TNN: variants seen among roughly 807,000 people sequenced by gnomAD.
The protein encoded by TNN is tenascin-N.
TNN carries 122 observed loss-of-function variants against 134.4 expected under a neutral mutation model. That is an observed-to-expected ratio of 0.91 (90% CI 0.78 to 1.06). The LOEUF is 1.06. Among genes scored for constraint, TNN ranks in the 50% least tolerant of loss-of-function variants. TNN has a pLI of 0.00. For missense variants in TNN, 1,739 were observed against 1,699.4 expected (o/e 1.02, Z -0.41); for synonymous variants, 710 against 670.3 (o/e 1.06, Z -0.91).
intron 13 of TNN, 70 bp from the exon 14 acceptor site, chr1:175,127,962 G>T: frequency 6.3e-7 from 1 of 1,575,474 alleles, no homozygotes; most frequent in Non-Finnish European, 8.7e-7. Context: ...AGGGAACGCT[G>T]TTGACACCTA....
At chr1:175,144,162 G>A (rs1676005629) in intron 17 of TNN, among the ~76,000 whole-genome samples, 2 of 152,208 alleles carry the variant, frequency 1.3e-5, no homozygotes, top group African/African-American at 4.8e-5. Context: ...TATGAGAACT[G>A]TTGGAGAAAC....
intron 11 of TNN, among the ~76,000 whole-genome samples, chr1:175,122,218 C>A (rs116412899): frequency 6.6e-4 from 96 of 144,604 alleles, no homozygotes; most frequent in South Asian, 6.6e-4. Context: ...CCTGTCTTTA[C>A]AAAAAAAAAA....
chr1:175,132,852 T>C (rs1036491130), intron 15 of TNN, among the ~76,000 whole-genome samples: 3 of 152,358 alleles, frequency 2.0e-5, no homozygotes, highest in Admixed American at 6.5e-5. Flanking sequence ...TGCACTCCCA[T>C]GTGGAGCTTT....
chr1:175,093,985 T>C lies in TNN; in HGVS notation c.1325-5T>C. On this transcript the variant is annotated splice_region_variant and splice_polypyrimidine_tract_variant and intron_variant, in intron 6 of 18. Transcript: ENST00000239462. ...GATTTTTCTTTCTCATGTGTTTTTA[T>C]GAAGAAATTGACAGTCCAACCAATG... 1 of 1,582,700 alleles carries C rather than the reference T, an allele frequency of 6.3e-7. No individual in the cohort carries two copies. The highest frequency in any genetic ancestry group is 8.6e-7 in the Non-Finnish European group (1 of 1,156,872).
chr1:175,102,521 A>G (rs1017427989), intron 9 of TNN, among the ~76,000 whole-genome samples: 1 of 145,188 alleles, frequency 6.9e-6, no homozygotes, highest in African/African-American at 2.5e-5. Context: ...GACCCAGTAC[A>G]CCCTCCGCAG....
chr1:175,120,320 A>G (rs1459413033), intron 11 of TNN, among the ~76,000 whole-genome samples: 1 of 152,226 alleles, frequency 6.6e-6, no homozygotes, highest in Non-Finnish European at 1.5e-5. Context: ...GAAGGAGATG[A>G]ACATGGTGTA....
intron 18 of TNN, 142 bp downstream of exon 18, chr1:175,144,692 T>C (rs926299868): frequency 5.4e-6 from 5 of 928,044 alleles, no homozygotes; most frequent in Non-Finnish European, 8.0e-6. Flanking sequence ...CCAGGCTCCA[T>C]GGCCTTGAGG....
intron 9 of TNN, among the ~76,000 whole-genome samples, chr1:175,105,353 T>C (rs1674822875): frequency 6.9e-6 from 1 of 145,494 alleles, no homozygotes; most frequent in Non-Finnish European, 1.5e-5. Flanking sequence ...ACATAACCGA[T>C]AGCCCGGGGG....
intron 4 of TNN, among the ~76,000 whole-genome samples, chr1:175,080,678 C>T (rs766368654): frequency 6.6e-6 from 1 of 152,096 alleles, no homozygotes; most frequent in Non-Finnish European, 1.5e-5. Context: ...TTATTTGGGT[C>T]TGCACCTTCT....
intron 17 of TNN, among the ~76,000 whole-genome samples, chr1:175,144,114 A>G (rs116019832): frequency 6.6e-6 from 1 of 151,972 alleles, no homozygotes; most frequent in Non-Finnish European, 1.5e-5. Context: ...TTATGTTTGG[A>G]TATTTGATCT....
chr1:175,097,442 G>A lies in TNN; in HGVS notation c.1614G>A (p.Val538=). 6.2e-7 allele frequency: 1 copy of A among 1,614,216 alleles called. No homozygotes were observed. Among genetic ancestry groups the A allele is most frequent in the Non-Finnish European group, 8.5e-7 (1 of 1,180,036 alleles). The part of the protein sequence containing the change: ...LTEIDSPANL[V]TDRVTENTAT... ...AAATTGACAGCCCAGCAAACCTGGTGACTGACCGGGTGACTGAGAATACCG... is the reference window on the plus strand; with the variant it reads ...AAATTGACAGCCCAGCAAACCTGGTAACTGACCGGGTGACTGAGAATACCG... Residue 538 remains valine (V), a synonymous_variant, in exon 8 of 19, where the codon GTG becomes GTA. Transcript: ENST00000239462.
chr1:175,108,684 C>T (rs927648201), intron 9 of TNN, among the ~76,000 whole-genome samples: 10 of 152,228 alleles, frequency 6.6e-5, no homozygotes, highest in African/African-American at 1.4e-4. Context: ...GTACACCCTC[C>T]GCAGCTGCTG....
In TNN at chr1:175,136,964, G is replaced by A. The variant is rs1044697332; in HGVS notation, c.3571G>A (p.Val1191Ile). The change falls in exon 17 of 19, where the codon GTT (valine) becomes ATT (isoleucine). Residue 1191 changes from valine to isoleucine, a missense_variant. Physicochemically the swap from Val to Ile is conservative, Grantham distance 29 (BLOSUM62 3). Transcript: ENST00000239462. Reference protein sequence around the residue: ...ASSKERYKLTVGKYRGTAGDA... With the variant: ...ASSKERYKLTIGKYRGTAGDA... The stretch of plus-strand genomic sequence containing the variant: ...CAGCAAGGAGCGGTATAAGCTGACA[G>A]TTGGGAAATACAGAGGCACGGCAGG... 1.1e-5 allele frequency: 18 copies of A among 1,613,992 alleles called. No individual in the cohort carries two copies. Among genetic ancestry groups the A allele is most frequent in the Non-Finnish European group, 1.5e-5 (18 of 1,179,994 alleles).
In TNN at chr1:175,128,730, A is replaced by G. The variant is rs1675597988; in HGVS notation, c.3314A>G (p.Asp1105Gly). Reference protein sequence around the residue: ...PLQVYCDMETDGGGWIVFQRR... With the variant: ...PLQVYCDMETGGGGWIVFQRR... Reference sequence around the variant, plus strand: ...CAGGTGTACTGTGACATGGAAACGGACGGAGGTGGCTGGATTGTGAGTCAC... The same window carrying G: ...CAGGTGTACTGTGACATGGAAACGGGCGGAGGTGGCTGGATTGTGAGTCAC... The change falls in exon 15 of 19, where the codon GAC becomes GGC. Residue 1105 changes from aspartate to glycine, a missense_variant. Physicochemically the swap from Asp to Gly is moderately conservative, Grantham distance 94. Coordinates refer to ENST00000239462, the MANE Select transcript of TNN (RefSeq NM_022093.2). 6.2e-7 allele frequency: 1 copy of G among 1,613,160 alleles called. No homozygotes were observed. Among genetic ancestry groups the G allele is most frequent in the Non-Finnish European group, 8.5e-7 (1 of 1,179,566 alleles).
intron 9 of TNN, among the ~76,000 whole-genome samples, chr1:175,110,003 C>G (rs1674980220): frequency 6.6e-6 from 1 of 152,154 alleles, no homozygotes; most frequent in Non-Finnish European, 1.5e-5. Context: ...TTCTCCACAT[C>G]CTCACCAGTA....
chr1:175,077,637 G>C lies in TNN; in HGVS notation c.219G>C (p.Leu73Phe), dbSNP rs537478026. The change falls in exon 2 of 19, where the codon TTG (leucine) becomes TTC (phenylalanine). Residue 73 changes from leucine to phenylalanine, a missense_variant. Coordinates refer to ENST00000239462, the MANE Select transcript of TNN (RefSeq NM_022093.2). ...TCAGTGACGATGGGGCTTCGCTCTT[G>C]GCCCTGGGGGAGGCCAGGGAGGAAC... The part of the protein sequence containing the change: ...QPLSDDGASL[L>F]ALGEAREEQN... The C allele has an allele frequency of 6.8e-6, 11 of 1,614,228 alleles. No individual in the cohort carries two copies.
In TNN at chr1:175,094,025, G is replaced by A. The variant is rs748692977; in HGVS notation, c.1360G>A (p.Val454Met). ...DSPTNVVTDR[V>M]TEDTATVSWD... ...TCCAACCAATGTTGTCACTGATCGA[G>A]TGACTGAAGACACAGCAACTGTCTC... Residue 454 changes from valine (V) to methionine (M), a missense_variant, in exon 7 of 19, where the codon GTG becomes ATG. By Grantham distance (21) the Val-to-Met change is conservative (BLOSUM62 1). Transcript: ENST00000239462. 3.1e-6 allele frequency: 5 copies of A among 1,609,706 alleles called. No individual in the cohort carries two copies. Among genetic ancestry groups the A allele is most frequent in the East Asian group, 2.2e-5 (1 of 44,766 alleles).
chr1:175,135,769 C>A, intron 15 of TNN, 76 bp from the exon 16 acceptor site: 1 of 1,182,294 alleles, frequency 8.5e-7, no homozygotes, highest in Non-Finnish European at 1.3e-6. Context: ...TATGAGCAAG[C>A]TCTTGGTCTT....
At position 175,147,125 on chromosome 1, in the gene TNN, G is replaced by A. The variant is rs942320261; in HGVS notation, c.*54G>A. On this transcript the variant is annotated 3_prime_UTR_variant, in exon 19 of 19. Transcript: ENST00000239462. ...ACACCACCAGCTGTGGCAGCTTGGG[G>A]CGGGGTGGGTAGTGGTCACTGCGGT... 9 of 1,438,854 alleles carry A rather than the reference G, an allele frequency of 6.3e-6. No homozygotes were observed. The highest frequency in any genetic ancestry group is 1.4e-5 in the African/African-American group (1 of 70,314). The allele number at this position is 1,438,854 out of a possible 1,614,324, so 89.1% of individuals were successfully genotyped here. A position where few individuals can be genotyped will look rare whatever the true frequency, so the allele number is the denominator to read the frequency against.
Sources: allele counts gnomAD v4.1 joint callset (sites outside exome capture counted in the v4.1 genomes callset), GRCh38; gene constraint gnomAD v4.1.1; transcripts MANE v1.5; gene names NCBI Gene and HGNC (gene_info 2026-07-23, HGNC 2026-07-21).